IGF1R: variants seen among roughly 807,000 people sequenced by gnomAD.
The protein encoded by IGF1R is insulin-like growth factor 1 receptor.
A neutral mutation model predicts 144.6 loss-of-function variants in IGF1R; 44 were observed. That is an observed-to-expected ratio of 0.30 (90% CI 0.24 to 0.39). IGF1R has a LOEUF of 0.39. Ranked by LOEUF, IGF1R falls within the 10% of genes least tolerant of loss-of-function variation. The pLI is 1.00. For missense variants in IGF1R, 1,355 were observed against 1,833.7 expected, an observed-to-expected ratio of 0.74 and a Z score of 4.77; for synonymous variants, 795 against 722.8, an observed-to-expected ratio of 1.10 and a Z score of -1.60.
intron 18 of IGF1R, among the ~76,000 whole-genome samples, chr15:98,942,441 C>A (rs920423717): frequency 1.3e-5 from 2 of 152,150 alleles, no homozygotes; most frequent in Non-Finnish European, 2.9e-5. Flanking sequence ...TCAAGTGATT[C>A]TTCCACCTTA....
At chr15:98,910,114 A>G (rs1319210204) in intron 6 of IGF1R, among the ~76,000 whole-genome samples, 1 of 152,220 alleles carries the variant, frequency 6.6e-6, no homozygotes. Context: ...ACCTGGCGAC[A>G]CTTGTTGCTC....
chr15:98,740,313 T>C (rs2054708648), intron 2 of IGF1R, among the ~76,000 whole-genome samples: 1 of 152,228 alleles, frequency 6.6e-6, no homozygotes, highest in Admixed American at 6.5e-5. Flanking sequence ...AGTTTTTCCC[T>C]TAGAGAATAT....
chr15:98,661,001 C>T (rs772399755), intron 1 of IGF1R, among the ~76,000 whole-genome samples: 1 of 152,104 alleles, frequency 6.6e-6, no homozygotes. Context: ...ACTTGCACAC[C>T]TGCTGACCTT....
chr15:98,755,624 C>G (rs138239087), intron 2 of IGF1R, among the ~76,000 whole-genome samples: 2,129 of 145,204 alleles, frequency 0.015, 54 homozygotes, highest in African/African-American at 0.051. Context: ...GAGGCTGAGG[C>G]AGGAGAATTG....
At chr15:98,814,256 C>A (rs1002600015) in intron 2 of IGF1R, among the ~76,000 whole-genome samples, 3 of 152,154 alleles carry the variant, frequency 2.0e-5, no homozygotes, top group Non-Finnish European at 4.4e-5. Flanking sequence ...ATGAATGATA[C>A]ATCACTTTGG....
chr15:98,889,052 T>G (rs940825481), intron 2 of IGF1R, among the ~76,000 whole-genome samples: 12 of 152,158 alleles, frequency 7.9e-5, no homozygotes, highest in African/African-American at 2.9e-4. Flanking sequence ...TTTGTTTATA[T>G]CTCACTGGCC....
At chr15:98,650,848 G>A (rs2052344871) in intron 1 of IGF1R, 6 of 953,842 alleles carry the variant, frequency 6.3e-6, no homozygotes, top group Admixed American at 1.2e-4. Flanking sequence ...GCTGTCTTTT[G>A]CAATCTGATA....
intron 2 of IGF1R, among the ~76,000 whole-genome samples, chr15:98,836,357 A>C (rs1567153495): frequency 6.6e-6 from 1 of 152,000 alleles, no homozygotes; most frequent in East Asian, 1.9e-4. Context: ...TCTCTACAAA[A>C]AAAAAGAAAT....
At position 98,705,540 on chromosome 15, in the gene IGF1R, G is replaced by T. The variant is rs113502955; in HGVS notation, c.95-2022G>T. 8.4e-3 allele frequency among the ~76,000 whole-genome samples: 1,282 copies of T among 152,198 alleles called. 16 individuals are homozygous for T. The highest frequency in any genetic ancestry group is 0.025 in the African/African-American group (1,021 of 41,508). ...TCTGCTATTCTTTTCTCTGTCTTAGGGGTGTCATTTTCTCTTTGGTAAAAC... is the reference window on the plus strand; with the variant it reads ...TCTGCTATTCTTTTCTCTGTCTTAGTGGTGTCATTTTCTCTTTGGTAAAAC... On this transcript the variant is annotated intron_variant, in intron 1 of 20. Coordinates refer to ENST00000650285, the MANE Select transcript of IGF1R (RefSeq NM_000875.5).
chr15:98,655,852 C>T (rs2052473357), intron 1 of IGF1R, among the ~76,000 whole-genome samples: 1 of 152,002 alleles, frequency 6.6e-6, no homozygotes, highest in African/African-American at 2.4e-5. Flanking sequence ...ACTACAGGCA[C>T]ACACCACCAT....
intron 2 of IGF1R, among the ~76,000 whole-genome samples, chr15:98,795,305 T>A (rs1945926528): frequency 6.6e-6 from 1 of 152,268 alleles, no homozygotes; most frequent in South Asian, 2.1e-4. Context: ...TAAATTCATG[T>A]ATTTTTTTGG....
chr15:98,700,488 A>G (rs1231878191), intron 1 of IGF1R, among the ~76,000 whole-genome samples: 1 of 152,168 alleles, frequency 6.6e-6, no homozygotes, highest in Non-Finnish European at 1.5e-5. Flanking sequence ...CAGCAGCATC[A>G]GCATCACCTG....
intron 5 of IGF1R, among the ~76,000 whole-genome samples, chr15:98,905,307 C>G (rs2014678876): frequency 6.6e-6 from 1 of 151,944 alleles, no homozygotes. Flanking sequence ...GGCTGAGAAC[C>G]AGGATACCAA....
chr15:98,803,053 C>G (rs2056394882), intron 2 of IGF1R, among the ~76,000 whole-genome samples: 1 of 152,026 alleles, frequency 6.6e-6, no homozygotes, highest in African/African-American at 2.4e-5. Context: ...TAAAAATGTA[C>G]AGATCTCAGT....
rs189530272 is a variant in IGF1R, at chr15:98,953,949, C to T, written c.3723-3112C>T. Among the ~76,000 whole-genome samples the T allele has an allele frequency of 1.7e-3, 252 of 152,258 alleles. 1 individual carries two copies. The highest frequency in any genetic ancestry group is 5.7e-3 in the African/African-American group (237 of 41,556). ...GGCACACAGGCCCCATGTCCACAGC[C>T]GCTCCTGGCTGAGGCGTGGTTCCTA... is the stretch of plus-strand genomic sequence containing the variant. On this transcript the variant is annotated intron_variant, in intron 20 of 20. Coordinates refer to ENST00000650285, the MANE Select transcript of IGF1R (RefSeq NM_000875.5).
At chr15:98,929,263 TGC>T (rs2015847291) in intron 13 of IGF1R, among the ~76,000 whole-genome samples, 2 of 152,162 alleles carry the variant, frequency 1.3e-5, no homozygotes, top group African/African-American at 4.8e-5. Context: ...GTCATTAAAC[TGC>T]GTACAAAGAT....
intron 2 of IGF1R, among the ~76,000 whole-genome samples, chr15:98,804,695 A>G (rs933487054): frequency 3.9e-5 from 6 of 152,194 alleles, no homozygotes; most frequent in African/African-American, 1.4e-4. Flanking sequence ...CGTTTACTGG[A>G]AGATACAGGG....
At chr15:98,680,723 A>T (rs2053165647) in intron 1 of IGF1R, among the ~76,000 whole-genome samples, 1 of 151,958 alleles carries the variant, frequency 6.6e-6, no homozygotes, top group African/African-American at 2.4e-5. Flanking sequence ...ATGCCACCAC[A>T]CTTGGCTAAT....
intron 1 of IGF1R, among the ~76,000 whole-genome samples, chr15:98,682,693 A>G (rs2053222987): frequency 6.6e-6 from 1 of 151,942 alleles, no homozygotes; most frequent in African/African-American, 2.4e-5. Flanking sequence ...GATTACAGGC[A>G]CGTGCCACCA....
Sources: gnomAD v4.1 joint callset for allele counts (sites outside exome capture counted in the v4.1 genomes callset) on GRCh38, gnomAD v4.1.1 for gene constraint, MANE v1.5 for transcripts, NCBI Gene and HGNC (gene_info 2026-07-23, HGNC 2026-07-21) for gene names.